The following EPSTI1 variants were observed in gnomAD, a reference collection of about 807,000 sequenced individuals.
EPSTI1 encodes epithelial stromal interaction 1, also known as epithelial-stromal interaction protein 1.
In EPSTI1, 66 loss-of-function variants were observed where a neutral mutation model predicts 49.9. The ratio of observed to expected loss-of-function variants is 1.32; its 90% CI spans 1.08 to 1.62. The LOEUF (loss-of-function observed/expected upper bound fraction) is 1.62. Among genes scored for constraint, EPSTI1 ranks in the 40% most tolerant of loss-of-function variants. The pLI, the probability that EPSTI1 is intolerant of heterozygous loss-of-function variation, is 0.00. For missense variants in EPSTI1, 394 were observed against 365.5 expected (o/e 1.08, Z -0.64); for synonymous variants, 137 against 130.7 (o/e 1.05, Z -0.33).
chr13:42,891,009 T>C (rs1280597811), intron 10 of EPSTI1, among the ~76,000 whole-genome samples: 1 of 152,184 alleles, frequency 6.6e-6, no homozygotes, highest in Non-Finnish European at 1.5e-5. Context: ...TCGTATGGAG[T>C]TTCTTTTATA....
At chr13:42,973,227 ATC>A (rs2039807288) in intron 1 of EPSTI1, among the ~76,000 whole-genome samples, 2 of 152,102 alleles carry the variant, frequency 1.3e-5, no homozygotes, top group African/African-American at 4.8e-5. Flanking sequence ...AGAATCTTCC[ATC>A]TTAAGAATAG....
intron 6 of EPSTI1, 42 bp from the exon 7 acceptor site, chr13:42,926,471 A>AAAGAATTATGTTCATATTTT: frequency 1.9e-6 from 2 of 1,049,808 alleles, no homozygotes; most frequent in Non-Finnish European, 1.5e-6. Context: ...TCACAAAAAT[A>AAAGAATTATGTTCATATTTT]TGAACATAAT....
intron 6 of EPSTI1, among the ~76,000 whole-genome samples, chr13:42,931,647 C>T (rs988493873): frequency 5.3e-5 from 8 of 152,172 alleles, no homozygotes; most frequent in Non-Finnish European, 1.2e-4. Flanking sequence ...TACAGCTTTT[C>T]CTACCCTAAA....
At chr13:42,890,614 A>G (rs1158959021) in intron 10 of EPSTI1, among the ~76,000 whole-genome samples, 4 of 152,094 alleles carry the variant, frequency 2.6e-5, no homozygotes, top group Non-Finnish European at 4.4e-5. Context: ...AGAATTTTTT[A>G]AAAAGGGTCA....
At chr13:42,947,109 A>G (rs778641479) in intron 6 of EPSTI1, among the ~76,000 whole-genome samples, 4 of 152,058 alleles carry the variant, frequency 2.6e-5, no homozygotes, top group Non-Finnish European at 5.9e-5. Context: ...GACTCTTTCC[A>G]CTTCCCCCTC....
intron 5 of EPSTI1, among the ~76,000 whole-genome samples, chr13:42,959,138 C>T (rs1221029935): frequency 6.6e-6 from 1 of 152,134 alleles, no homozygotes; most frequent in African/African-American, 2.4e-5. Context: ...TCTAGTCCTA[C>T]CAGTCTCACT....
intron 5 of EPSTI1, 89 bp downstream of exon 5, chr13:42,963,165 TA>T: frequency 9.5e-7 from 1 of 1,055,924 alleles, no homozygotes; most frequent in Non-Finnish European, 1.4e-6. Context: ...GAAAGATGGA[TA>T]AATTTTTAAA....
intron 4 of EPSTI1, chr13:42,963,627 G>T (rs978540547): frequency 2.7e-6 from 1 of 373,966 alleles, no homozygotes; most frequent in Non-Finnish European, 4.7e-6. Flanking sequence ...TGGTGTGTGT[G>T]TGTATTGGGG....
chr13:42,904,544 G>A (rs1275929953), intron 8 of EPSTI1, among the ~76,000 whole-genome samples: 1 of 152,176 alleles, frequency 6.6e-6, no homozygotes, highest in African/African-American at 2.4e-5. Context: ...TCTTGCAGAA[G>A]TGTTCAAAGA....
intron 8 of EPSTI1, among the ~76,000 whole-genome samples, chr13:42,911,264 T>TGC (rs1555259496): frequency 0.067 from 9,980 of 148,488 alleles, 465 homozygotes; most frequent in African/African-American, 0.13. Flanking sequence ...TGTGTGTGTG[T>TGC]GCGCGCGCAC....
chr13:42,990,175 GA>G (rs35599695), intron 1 of EPSTI1, among the ~76,000 whole-genome samples: 37,304 of 112,416 alleles, frequency 0.33, 4,756 homozygotes, highest in Middle Eastern at 0.48. Flanking sequence ...TTCACATGAG[GA>G]AAAAAAAAAA....
At chr13:42,902,527 CT>C (rs1429539067) in intron 8 of EPSTI1, among the ~76,000 whole-genome samples, 1 of 152,000 alleles carries the variant, frequency 6.6e-6, no homozygotes, top group Non-Finnish European at 1.5e-5. Flanking sequence ...TGGCTTATGG[CT>C]TTTTAAAAAA....
intron 7 of EPSTI1, among the ~76,000 whole-genome samples, chr13:42,918,173 AC>A (rs2037892118): frequency 6.6e-6 from 1 of 152,190 alleles, no homozygotes; most frequent in Non-Finnish European, 1.5e-5. Context: ...GAAAAGGAAA[AC>A]AAAGCCTATT....
chr13:42,891,712 G>T (rs577976983), intron 10 of EPSTI1, among the ~76,000 whole-genome samples: 2 of 152,182 alleles, frequency 1.3e-5, no homozygotes, highest in Admixed American at 1.3e-4. Context: ...TTGTGATGTT[G>T]AATCACAACC....
rs1296821222 is a variant in EPSTI1, at chr13:42,955,276, TG to T, written c.490-1256del. Among the ~76,000 whole-genome samples, 4 of 152,162 alleles carry T rather than the reference TG, an allele frequency of 2.6e-5. No homozygotes were observed. In the South Asian group the frequency reaches 6.2e-4, roughly 24 times the overall value. On this transcript the variant is annotated intron_variant, in intron 5 of 10. Transcript: ENST00000313624. ...GTTCCCTGCCCTCCAGGGTGGGGACTGGGGGGTCGTGGTGGATCTAAAAGGG... is the reference window on the plus strand; with the variant it reads ...GTTCCCTGCCCTCCAGGGTGGGGACTGGGGGTCGTGGTGGATCTAAAAGGG...
intron 6 of EPSTI1, among the ~76,000 whole-genome samples, 173 bp downstream of exon 6, chr13:42,953,775 A>ATCCAT (rs1211526036): frequency 2.8e-4 from 43 of 152,388 alleles, no homozygotes; most frequent in African/African-American, 1.0e-3. Flanking sequence ...TACTTTGGTG[A>ATCCAT]GTAGACATGT....
At chr13:42,892,895 T>C (rs2037078764) in intron 10 of EPSTI1, among the ~76,000 whole-genome samples, 2 of 34,892 alleles carry the variant, frequency 5.7e-5, no homozygotes, top group African/African-American at 1.8e-4. Context: ...CTGAGGTATA[T>C]GAAAACCCAG....
At chr13:42,894,912 T>TA in intron 10 of EPSTI1, 97 bp downstream of exon 10, 1 of 1,059,664 alleles carries the variant, frequency 9.4e-7, no homozygotes, top group South Asian at 1.5e-5. Context: ...AACAAAAACG[T>TA]AATATCTGGG....
At chr13:42,928,540 G>C (rs925282508) in intron 6 of EPSTI1, among the ~76,000 whole-genome samples, 1 of 152,122 alleles carries the variant, frequency 6.6e-6, no homozygotes, top group Non-Finnish European at 1.5e-5. Context: ...TCTGATCCAA[G>C]CATGAAAGAT....
Sources: gnomAD v4.1 joint callset for allele counts (sites outside exome capture counted in the v4.1 genomes callset) on GRCh38, gnomAD v4.1.1 for gene constraint, MANE v1.5 for transcripts, NCBI Gene and HGNC (gene_info 2026-07-23, HGNC 2026-07-21) for gene names.